Variants in HEPHL1 observed in about 807,000 individuals in gnomAD.
HEPHL1 encodes hephaestin like 1.
A neutral mutation model predicts 122.0 loss-of-function variants in HEPHL1; 123 were observed. That is an observed-to-expected ratio of 1.01 (90% CI 0.87 to 1.17). HEPHL1 has a LOEUF of 1.17. Among genes scored for constraint, HEPHL1 ranks in the 50% most tolerant of loss-of-function variants. The probability of loss-of-function intolerance (pLI) is 0.00; values close to 1 mark genes in which losing one functional copy is unlikely to be tolerated. For synonymous variants in HEPHL1, 527 were observed against 508.9 expected (o/e 1.04, Z -0.48); for missense variants, 1,452 against 1,430.5 (o/e 1.01, Z -0.24).
At chr11:94,043,658 G>T (rs1397265615) in intron 1 of HEPHL1, among the ~76,000 whole-genome samples, 1 of 152,072 alleles carries the variant, frequency 6.6e-6, no homozygotes, top group African/African-American at 2.4e-5. Flanking sequence ...TGGAGTGTGT[G>T]TGCCGAGTTG....
intron 2 of HEPHL1, among the ~76,000 whole-genome samples, chr11:94,047,812 A>C (rs1342039620): frequency 6.6e-6 from 1 of 152,200 alleles, no homozygotes; most frequent in Non-Finnish European, 1.5e-5. Context: ...CATTTAGGCC[A>C]GTGATTCTAA....
At chr11:94,052,818 G>A (rs554890443) in intron 2 of HEPHL1, among the ~76,000 whole-genome samples, 1 of 152,186 alleles carries the variant, frequency 6.6e-6, no homozygotes, top group East Asian at 1.9e-4. Flanking sequence ...GGCAATCATG[G>A]GATAAATCCC....
At chr11:94,042,487 A>G in intron 1 of HEPHL1, among the ~76,000 whole-genome samples, 1 of 144,922 alleles carries the variant, frequency 6.9e-6, no homozygotes, top group South Asian at 2.3e-4. Context: ...AATGTCCAAC[A>G]ATGATAGACT....
At position 94,103,019 on chromosome 11, in the gene HEPHL1, A is replaced by C. The variant is rs761968260; in HGVS notation, c.2681A>C (p.Lys894Thr). 2 of 1,563,960 alleles carry C rather than the reference A, an allele frequency of 1.3e-6. No homozygotes were observed. The highest frequency in any genetic ancestry group is 1.8e-6 in the Non-Finnish European group (2 of 1,134,544). The change falls in exon 15 of 20, where the codon AAG becomes ACG. Residue 894 changes from lysine to threonine, a missense_variant and splice_region_variant. Lys to Thr is a moderately conservative substitution (Grantham distance 78). Coordinates refer to ENST00000315765, the MANE Select transcript of HEPHL1 (RefSeq NM_001098672.2). ...TACTATTCAACAGTAAACTTTGTGA[A>C]GGTAAGGTGGAGAAAGCAACCAAAA... ...WVYYSTVNFV[K>T]DTYSGLMGPL...
intron 13 of HEPHL1, among the ~76,000 whole-genome samples, chr11:94,093,971 G>GATATAT (rs201036709): frequency 0.018 from 1,329 of 72,142 alleles, 36 homozygotes; most frequent in Non-Finnish European, 0.028. Flanking sequence ...TCCTCCAGCA[G>GATATAT]ATATATATAT....
intron 4 of HEPHL1, among the ~76,000 whole-genome samples, chr11:94,066,839 C>T (rs573108946): frequency 1.3e-5 from 2 of 152,128 alleles, no homozygotes; most frequent in Non-Finnish European, 2.9e-5. Flanking sequence ...TCCCAGCTGC[C>T]ATTTAGATGG....
rs1420943476 is a variant in HEPHL1, at chr11:94,113,779, A to C, written c.*1885A>C. ...TATTTGCATGGTTATTTTCACTTAA[A>C]ATTATCTATCACTGAACTAGGGGAG... On this transcript the variant is annotated 3_prime_UTR_variant, in exon 20 of 20. Transcript: ENST00000315765. 1.3e-5 allele frequency: 2 copies of C among 152,172 alleles called. No individual in the cohort carries two copies. Among genetic ancestry groups the C allele is most frequent in the East Asian group, 1.9e-4 (1 of 5,180 alleles). 9.4% of individuals were successfully genotyped at this position (152,172 alleles called of 1,614,324 possible).
chr11:94,030,730 C>T (rs1341527596), intron 1 of HEPHL1, among the ~76,000 whole-genome samples: 2 of 152,182 alleles, frequency 1.3e-5, no homozygotes, highest in East Asian at 1.9e-4. Flanking sequence ...TTATAAAGGT[C>T]CAGGGGTCAG....
intron 1 of HEPHL1, among the ~76,000 whole-genome samples, chr11:94,041,850 C>A (rs1418912270): frequency 3.7e-5 from 1 of 27,042 alleles, no homozygotes; most frequent in Non-Finnish European, 6.8e-5. Flanking sequence ...AAAGCAATGG[C>A]AACAAAAGCC....
chr11:94,045,624 G>C, intron 1 of HEPHL1, 49 bp from the exon 2 acceptor site: 1 of 1,485,950 alleles, frequency 6.7e-7, no homozygotes, highest in Non-Finnish European at 9.1e-7. Flanking sequence ...TAAGCTATTA[G>C]GTCTTCTCTT....
intron 1 of HEPHL1, among the ~76,000 whole-genome samples, chr11:94,043,004 A>G (rs985255661): frequency 6.6e-6 from 1 of 152,032 alleles, no homozygotes; most frequent in African/African-American, 2.4e-5. Flanking sequence ...ATTGGGAAAG[A>G]AAAGAAAAAC....
At chr11:94,107,532 A>G (rs1029339383) in intron 17 of HEPHL1, among the ~76,000 whole-genome samples, 2 of 152,120 alleles carry the variant, frequency 1.3e-5, no homozygotes, top group Admixed American at 6.5e-5. Context: ...TTCCCCCACA[A>G]ATTTTACCAT....
At chr11:94,057,370 C>T (rs541961776) in intron 2 of HEPHL1, among the ~76,000 whole-genome samples, 1 of 152,062 alleles carries the variant, frequency 6.6e-6, no homozygotes, top group South Asian at 2.1e-4. Context: ...TTGTTGTTCT[C>T]CCCTCTTTCT....
intron 9 of HEPHL1, among the ~76,000 whole-genome samples, chr11:94,079,678 A>G (rs1240637703): frequency 6.6e-6 from 1 of 152,212 alleles, no homozygotes; most frequent in Non-Finnish European, 1.5e-5. Context: ...GCAGAGGGTG[A>G]CAAGGAGCTT....
chr11:94,059,827 A>C (rs1945970078), intron 2 of HEPHL1, among the ~76,000 whole-genome samples: 1 of 152,034 alleles, frequency 6.6e-6, no homozygotes, highest in Non-Finnish European at 1.5e-5. Flanking sequence ...AATAATAATA[A>C]AAACAAGGCC....
chr11:94,037,489 G>C (rs1945737322), intron 1 of HEPHL1, among the ~76,000 whole-genome samples: 1 of 152,230 alleles, frequency 6.6e-6, no homozygotes, highest in Admixed American at 6.5e-5. Flanking sequence ...TTTGAAGAGA[G>C]CAGTGGTTCT....
At position 94,070,540 on chromosome 11, in the gene HEPHL1, C is replaced by T. The variant is rs1339796456; in HGVS notation, c.1230C>T (p.Gly410=). ...GTGGTCTTCCTCTAAACGCCTCTGGCAGGTAAGCACCCTTTGTTGGTGTTT... is the reference window on the plus strand; with the variant it reads ...GTGGTCTTCCTCTAAACGCCTCTGGTAGGTAAGCACCCTTTGTTGGTGTTT... ...KFSGLPLNAS[G]SDSDLYFTQG... The change falls in exon 6 of 20, where the codon GGC becomes GGT. Residue 410 remains glycine (G), a splice_region_variant and synonymous_variant. Transcript: ENST00000315765. The T allele has an allele frequency of 1.2e-6, 2 of 1,606,930 alleles. No homozygotes were observed. The highest frequency in any genetic ancestry group is 1.3e-5 in the African/African-American group (1 of 74,766).
intron 2 of HEPHL1, among the ~76,000 whole-genome samples, chr11:94,061,788 T>C (rs1188112736): frequency 6.6e-6 from 1 of 152,164 alleles, no homozygotes; most frequent in Non-Finnish European, 1.5e-5. Context: ...AAAGCATTCT[T>C]GAAAACATTG....
chr11:94,076,756 GTCT>G (rs1275316713), intron 9 of HEPHL1, among the ~76,000 whole-genome samples: 1 of 152,160 alleles, frequency 6.6e-6, no homozygotes, highest in African/African-American at 2.4e-5. Context: ...AAAATGGTCA[GTCT>G]TCTTCTAGGC....
Sources: allele counts gnomAD v4.1 joint callset (sites outside exome capture counted in the v4.1 genomes callset), GRCh38; gene constraint gnomAD v4.1.1; transcripts MANE v1.5; gene names NCBI Gene and HGNC (gene_info 2026-07-23, HGNC 2026-07-21).